The following PKM variants were observed in gnomAD, a reference collection of about 807,000 sequenced individuals.
PKM encodes the protein pyruvate kinase M1/2.
A neutral mutation model predicts 49.8 loss-of-function variants in PKM; 18 were observed. The ratio of observed to expected loss-of-function variants is 0.36; its 90% CI spans 0.25 to 0.54. The LOEUF is 0.54. PKM is among the 20% of genes least tolerant of loss of function. The pLI is 0.89. For synonymous variants in PKM, 239 were observed against 261.8 expected, an observed-to-expected ratio of 0.91 and a Z score of 0.84; for missense variants, 508 against 713.8, an observed-to-expected ratio of 0.71 and a Z score of 3.28.
At position 72,217,430 on chromosome 15, in the gene PKM, G is replaced by T; in HGVS notation, c.225C>A (p.Asn75Lys). 2 of 1,610,544 alleles carry T rather than the reference G, an allele frequency of 1.2e-6. No homozygotes were observed. Among genetic ancestry groups the T allele is most frequent in the Non-Finnish European group, 1.7e-6 (2 of 1,176,896 alleles). Reference protein sequence around the residue: ...IKSGMNVARLNFSHGTHEYHA... With the variant: ...IKSGMNVARLKFSHGTHEYHA... Reference sequence around the variant, plus strand: ...TCACCTCATGAGTTCCATGAGAGAAGTTCAGACGAGCCACATTCATTCCAG... The same window carrying T: ...TCACCTCATGAGTTCCATGAGAGAATTTCAGACGAGCCACATTCATTCCAG... Residue 75 changes from asparagine (N) to lysine (K), a missense_variant, in exon 3 of 11, where the codon AAC (asparagine) becomes AAA (lysine). Coordinates refer to ENST00000335181, the MANE Select transcript of PKM (RefSeq NM_002654.6).
Position 72,202,105 on chromosome 15 carries a change from T to C in PKM, c.1307+349A>G, listed in dbSNP as rs2081959841. 2 of 336,984 alleles carry C rather than the reference T, an allele frequency of 5.9e-6. No homozygotes were observed. The highest frequency in any genetic ancestry group is 4.4e-5 in the Admixed American group (1 of 22,858). 20.9% of individuals were successfully genotyped at this position (336,984 alleles called of 1,614,324 possible). On this transcript the variant is annotated intron_variant, in intron 9 of 10. Coordinates refer to ENST00000335181, the MANE Select transcript of PKM (RefSeq NM_002654.6). The surrounding 1 kb of genome is among the most constrained non-coding windows in gnomAD (Gnocchi z 4.5). ...CCAACTGAAATTTTTAAAGAGCACA[T>C]AGTAACTGGAATAAGCAAAAGTGGT...
At chr15:72,215,131 G>A (rs909886025) in intron 3 of PKM, among the ~76,000 whole-genome samples, 7 of 152,184 alleles carry the variant, frequency 4.6e-5, no homozygotes, top group African/African-American at 1.2e-4. Flanking sequence ...AACCTGGGAG[G>A]CAGAGGTTGT....
At chr15:72,203,111 T>G (rs777687554) in intron 8 of PKM, 1 of 1,614,038 alleles carries the variant, frequency 6.2e-7, no homozygotes, top group East Asian at 2.2e-5. Flanking sequence ...CCATGAGGTC[T>G]GTGGAGTGAC....
At chr15:72,203,385 C>A in intron 8 of PKM, 1 of 607,434 alleles carries the variant, frequency 1.6e-6, no homozygotes, top group Non-Finnish European at 3.0e-6. Context: ...GCTGCCACTT[C>A]CCCTCCAATA....
Position 72,206,559 on chromosome 15 carries a change from A to G in PKM, c.1140+169T>C, listed in dbSNP as rs553416300. 1.6e-3 allele frequency: 1,069 copies of G among 648,348 alleles called. 3 individuals are homozygous for G. Among genetic ancestry groups the G allele is most frequent in the Non-Finnish European group, 2.4e-3 (927 of 379,950 alleles). The allele number at this position is 648,348 out of a possible 1,614,324, so 40.2% of individuals were successfully genotyped here. A position where few individuals can be genotyped will look rare whatever the true frequency, so the allele number is the denominator to read the frequency against. On this transcript the variant is annotated intron_variant, in intron 8 of 10. Coordinates refer to ENST00000335181, the MANE Select transcript of PKM (RefSeq NM_002654.6). ...GCAGGAATGCAGAACAGGAGAAAAA[A>G]AAAAGCCACCTCCACTTCCACCCCC...
chr15:72,218,851 C>T, intron 2 of PKM, 93 bp downstream of exon 2: 1 of 1,309,290 alleles, frequency 7.6e-7, no homozygotes. Flanking sequence ...CATGTAGCAC[C>T]TAGGTTTGTT....
Position 72,200,365 on chromosome 15 carries a change from G to A in PKM, c.1489+109C>T. The A allele has an allele frequency of 1.0e-6, 1 of 962,182 alleles. No individual in the cohort carries two copies. The highest frequency in any genetic ancestry group is 1.4e-5 in the South Asian group (1 of 73,756). The allele number at this position is 962,182 out of a possible 1,614,324, so 59.6% of individuals were successfully genotyped here. A position where few individuals can be genotyped will look rare whatever the true frequency, so the allele number is the denominator to read the frequency against. ...GTCGCTGGGCCTTTTGCCCCACTAAGGTCTGTGTGTTCCCCTTTCTATTCC... is the reference window on the plus strand; with the variant it reads ...GTCGCTGGGCCTTTTGCCCCACTAAAGTCTGTGTGTTCCCCTTTCTATTCC... On this transcript the variant is annotated intron_variant, in intron 10 of 10. Coordinates refer to ENST00000335181, the MANE Select transcript of PKM (RefSeq NM_002654.6). The surrounding 1 kb of genome is among the most constrained non-coding windows in gnomAD (Gnocchi z 4.6).
At chr15:72,207,339 G>A (rs1002566980) in intron 6 of PKM, 62 bp from the exon 7 acceptor site, 3 of 1,459,856 alleles carry the variant, frequency 2.1e-6, no homozygotes, top group Non-Finnish European at 1.9e-6. Context: ...TATGGCAGTA[G>A]ACAAGAAGTT....
Position 72,200,142 on chromosome 15 carries a change from A to C in PKM, c.1489+332T>G, listed in dbSNP as rs944014469. ...GTGGCCAATTTTATTTAAAAAAAAA[A>C]CAAAAAACAAAAAAAACTCTCAGTA... On this transcript the variant is annotated intron_variant, in intron 10 of 10. Transcript: ENST00000335181. This position sits in a 1 kb window ranked among gnomAD's most constrained non-coding sequence, Gnocchi z 4.6. Among the ~76,000 whole-genome samples, 26 of 152,010 alleles carry C rather than the reference A, an allele frequency of 1.7e-4. No individual in the cohort carries two copies. The highest frequency in any genetic ancestry group is 3.2e-4 in the Non-Finnish European group (22 of 67,986).
At chr15:72,217,157 G>C (rs575679862) in intron 3 of PKM, among the ~76,000 whole-genome samples, 1 of 152,198 alleles carries the variant, frequency 6.6e-6, no homozygotes, top group Admixed American at 6.5e-5. Context: ...TAAAAGCTAA[G>C]GGTAGGAGAG....
intron 3 of PKM, among the ~76,000 whole-genome samples, chr15:72,216,109 A>T (rs960668495): frequency 1.3e-5 from 2 of 152,214 alleles, no homozygotes; most frequent in African/African-American, 4.8e-5. Flanking sequence ...CTTGGATTGC[A>T]TTTCCTGAGG....
At chr15:72,229,930 GAAAAAAGAAAGGA>G (rs1192326032) in intron 1 of PKM, among the ~76,000 whole-genome samples, 5 of 98,664 alleles carry the variant, frequency 5.1e-5, no homozygotes, top group Non-Finnish European at 9.3e-5. Flanking sequence ...AAAAAAGAAA[GAAAAAAGAAAGGA>G]AAAGAAAGAA....
intron 6 of PKM, 127 bp from the exon 7 acceptor site, chr15:72,207,404 T>A (rs993268752): frequency 3.6e-6 from 3 of 840,590 alleles, no homozygotes; most frequent in Non-Finnish European, 6.0e-6. Flanking sequence ...ATCCATGATA[T>A]CATCATGGGT....
At position 72,200,141 on chromosome 15, in the gene PKM, A is replaced by C. The variant is rs772506811; in HGVS notation, c.1489+333T>G. 1.7e-4 allele frequency among the ~76,000 whole-genome samples: 26 copies of C among 152,058 alleles called. No homozygotes were observed. The highest frequency in any genetic ancestry group is 2.5e-4 in the Non-Finnish European group (17 of 68,012). On this transcript the variant is annotated intron_variant, in intron 10 of 10. Transcript: ENST00000335181. This position sits in a 1 kb window ranked among gnomAD's most constrained non-coding sequence, Gnocchi z 4.6. ...TGTGGCCAATTTTATTTAAAAAAAA[A>C]ACAAAAAACAAAAAAAACTCTCAGT...
intron 2 of PKM, among the ~76,000 whole-genome samples, chr15:72,218,101 C>T (rs2082419042): frequency 6.6e-6 from 1 of 151,958 alleles, no homozygotes; most frequent in Non-Finnish European, 1.5e-5. Context: ...TTGAAATTTA[C>T]TCTTAGCGAT....
rs1475169457 is a variant in PKM at position 72,209,836 on chromosome 15, C to T, written c.402G>A (p.Leu134=). The T allele has an allele frequency of 8.7e-6, 14 of 1,614,144 alleles. No homozygotes were observed. The highest frequency in any genetic ancestry group is 1.3e-5 in the African/African-American group (1 of 75,018). ...TGATTTTGAGAGTGGCTCCCTTCTT[C>T]AGCTCCACCTCTGCAGTGCCGCTCT... The part of the protein sequence containing the change: ...IKGSGTAEVE[L]KKGATLKITL... The change falls in exon 5 of 11, where the codon CTG becomes CTA. Residue 134 remains leucine, a synonymous_variant. Coordinates refer to ENST00000335181, the MANE Select transcript of PKM (RefSeq NM_002654.6).
At position 72,200,542 on chromosome 15, in the gene PKM, C is replaced by A. The variant is rs993782606; in HGVS notation, c.1421G>T (p.Cys474Phe). Residue 474 changes from cysteine to phenylalanine, a missense_variant, in exon 10 of 11, where the codon TGC becomes TTC. Cys to Phe is a radical substitution (Grantham distance 205, BLOSUM62 -2). Coordinates refer to ENST00000335181, the MANE Select transcript of PKM (RefSeq NM_002654.6). This position sits in a 1 kb window ranked among gnomAD's most constrained non-coding sequence, Gnocchi z 4.6. Reference protein sequence around the residue: ...HLYRGIFPVLCKDPVQEAWAE... With the variant: ...HLYRGIFPVLFKDPVQEAWAE... ...CCAGGCCTCCTGGACTGGGTCCTTG[C>A]ACAGCACAGGGAAGATGCCACGGTA... 18 of 1,614,026 alleles carry A rather than the reference C, an allele frequency of 1.1e-5. No homozygotes were observed. Among genetic ancestry groups the A allele is most frequent in the Non-Finnish European group, 1.4e-5 (16 of 1,179,938 alleles).
At chr15:72,209,936 T>A in intron 4 of PKM, 77 bp from the exon 5 acceptor site, 1 of 1,240,126 alleles carries the variant, frequency 8.1e-7, no homozygotes, top group Non-Finnish European at 1.2e-6. Context: ...ATGGAAAAGC[T>A]CTTTCCTCCC....
intron 2 of PKM, 28 bp from the exon 3 acceptor site, chr15:72,217,528 G>A (rs1330230848): frequency 6.7e-6 from 9 of 1,335,044 alleles, no homozygotes; most frequent in Admixed American, 1.7e-5. Flanking sequence ...AAAGCCACAA[G>A]TATTAATTAT....
Sources: allele counts gnomAD v4.1 joint callset (sites outside exome capture counted in the v4.1 genomes callset), GRCh38; gene constraint gnomAD v4.1.1; non-coding constraint Gnocchi (gnomAD v3.1); transcripts MANE v1.5; gene names NCBI Gene and HGNC (gene_info 2026-07-23, HGNC 2026-07-21).